ABCB4: variants seen among roughly 807,000 people sequenced by gnomAD.
The protein encoded by ABCB4 is ATP binding cassette subfamily B member 4, also known as phosphatidylcholine translocator ABCB4.
Under a neutral mutation model 145.7 loss-of-function variants are expected in ABCB4, and 76 were observed. That is an observed-to-expected ratio of 0.52 (90% confidence interval 0.43 to 0.63). ABCB4 has a LOEUF of 0.63. ABCB4 is among the 30% of genes least tolerant of loss of function. The pLI, the probability that ABCB4 is intolerant of heterozygous loss-of-function variation, is 0.00. For missense variants in ABCB4, 1,234 were observed against 1,553.1 expected, an observed-to-expected ratio of 0.79 and a Z score of 3.45; for synonymous variants, 517 against 566.8, an observed-to-expected ratio of 0.91 and a Z score of 1.25.
rs748571017 is a variant in ABCB4 at position 87,411,912 on chromosome 7, G to T, written c.2905C>A (p.Arg969Ser). ...ACTTACAGAATAACATCTCTGAAGC[G>T]CATATGTCCATTCACAATGAGATAT... is the stretch of plus-strand genomic sequence containing the variant. ...GAYLIVNGHM[R>S]FRDVILVFSA... Residue 969 changes from arginine to serine, a missense_variant, in exon 23 of 28, where the codon CGC becomes AGC. Arg to Ser is a moderately radical substitution (Grantham distance 110). This residue lies in a region of ABCB4 where 301 missense variants were observed against 389.0 expected (regional missense o/e 0.77). Transcript: ENST00000649586. The T allele has an allele frequency of 7.4e-6, 12 of 1,613,326 alleles. No individual in the cohort carries two copies. The highest frequency in any genetic ancestry group is 2.2e-5 in the South Asian group (2 of 91,048).
chr7:87,367,091 G>C, the ABCB4 span, among the ~76,000 whole-genome samples: 3,361 of 152,272 alleles, frequency 0.022, 133 homozygotes, highest in African/African-American at 0.076. Context: ...TCTAATCCCT[G>C]AAATTGTTAA....
chr7:87,382,456 G>C, the ABCB4 span: 120 of 1,613,704 alleles, frequency 7.4e-5, 1 homozygote, highest in South Asian at 9.0e-4. Context: ...ACATCTTTTG[G>C]CAAAAAGCTA....
In ABCB4 at chr7:87,409,012, C is replaced by CT. The variant is rs377193061; in HGVS notation, c.3081+223dup. Among the ~76,000 whole-genome samples, 1,126 of 148,356 alleles carry CT rather than the reference C, an allele frequency of 7.6e-3. 9 individuals carry two copies. Among genetic ancestry groups the CT allele is most frequent in the African/African-American group, 0.025 (1,011 of 40,516 alleles). ...TCAGTTCTAATATATCTGGTTTTCC[C>CT]TTTTTTTTTTATTTTGATGTGCTAA... On this transcript the variant is annotated intron_variant, in intron 24 of 27. Coordinates refer to ENST00000649586, the MANE Select transcript of ABCB4 (RefSeq NM_000443.4).
At chr7:87,467,819 C>A (rs1813035214) in intron 3 of ABCB4, among the ~76,000 whole-genome samples, 1 of 152,130 alleles carries the variant, frequency 6.6e-6, no homozygotes, top group Non-Finnish European at 1.5e-5. Flanking sequence ...GAAATGAAGG[C>A]AGAAATAAAG....
In ABCB4 at chr7:87,401,913, G is replaced by C. The variant is rs1338313108; in HGVS notation, c.*183C>G. 2 of 783,682 alleles carry C rather than the reference G, an allele frequency of 2.6e-6. No individual in the cohort carries two copies. The highest frequency in any genetic ancestry group is 4.3e-6 in the Non-Finnish European group (2 of 461,002). 48.5% of individuals were successfully genotyped at this position (783,682 alleles called of 1,614,324 possible). A position where few individuals can be genotyped will look rare whatever the true frequency, so the allele number is the denominator to read the frequency against. On this transcript the variant is annotated 3_prime_UTR_variant, in exon 28 of 28. Transcript: ENST00000649586. Reference sequence around the variant, plus strand: ...TTGTTTCAATACTTCATCAAGACAGGTGTCACTTCTAACTCTCAAATTTCA... The same window carrying C: ...TTGTTTCAATACTTCATCAAGACAGCTGTCACTTCTAACTCTCAAATTTCA...
chr7:87,456,064 T>C (rs1025693634), intron 4 of ABCB4, among the ~76,000 whole-genome samples: 2 of 152,188 alleles, frequency 1.3e-5, no homozygotes, highest in African/African-American at 4.8e-5. Flanking sequence ...TATCAGTTCC[T>C]TTCTGTGTGT....
Position 87,417,098 on chromosome 7 carries a change from G to A in ABCB4, c.2682+214C>T, listed in dbSNP as rs73396154. On this transcript the variant is annotated intron_variant, in intron 21 of 27. Transcript: ENST00000649586. ...AAGTTCTTTATCATAACTATGTTAA[G>A]TGCTTTCTATAGGCTCAACGTTTTA... 1.9e-3 allele frequency among the ~76,000 whole-genome samples: 291 copies of A among 152,322 alleles called. 2 individuals carry two copies. The highest frequency in any genetic ancestry group is 6.6e-3 in the African/African-American group (274 of 41,578).
intron 14 of ABCB4, among the ~76,000 whole-genome samples, chr7:87,438,026 A>G (rs1357970996): frequency 1.3e-5 from 2 of 152,218 alleles, no homozygotes; most frequent in African/African-American, 4.8e-5. Flanking sequence ...ATTATGAAAA[A>G]CAATACATAC....
At chr7:87,421,271 T>G (rs1055076673) in intron 18 of ABCB4, among the ~76,000 whole-genome samples, 17 of 152,158 alleles carry the variant, frequency 1.1e-4, no homozygotes, top group African/African-American at 4.1e-4. Context: ...AGATGATCAG[T>G]GCACCCAGTG....
chr7:87,372,702 C>A, the ABCB4 span, among the ~76,000 whole-genome samples: 2 of 152,160 alleles, frequency 1.3e-5, no homozygotes, highest in African/African-American at 4.8e-5. Flanking sequence ...TGGCATCTTA[C>A]AACATGTAGC....
At chr7:87,392,683 A>G in the ABCB4 span, 3 of 1,610,274 alleles carry the variant, frequency 1.9e-6, no homozygotes, top group Non-Finnish European at 1.7e-6. Flanking sequence ...AAAATCTCTC[A>G]TGGTGAAAAA....
chr7:87,443,504 T>C, intron 11 of ABCB4, 60 bp from the exon 12 acceptor site: 1 of 1,608,312 alleles, frequency 6.2e-7, no homozygotes, highest in South Asian at 1.1e-5. Flanking sequence ...ATGGGAATAA[T>C]TCGATTCAGT....
At chr7:87,429,211 G>A (rs1296214569) in intron 15 of ABCB4, among the ~76,000 whole-genome samples, 1 of 152,184 alleles carries the variant, frequency 6.6e-6, no homozygotes, top group Non-Finnish European at 1.5e-5. Context: ...ATCAGAAATG[G>A]GAAATGTGGG....
intron 4 of ABCB4, 24 bp from the exon 5 acceptor site, chr7:87,454,616 C>T (rs1204237103): frequency 6.4e-7 from 1 of 1,570,860 alleles, no homozygotes; most frequent in Non-Finnish European, 8.7e-7. Flanking sequence ...TAAAATAAAA[C>T]ATGTTAAAAG....
the ABCB4 span, chr7:87,392,665 C>A: frequency 6.2e-7 from 1 of 1,610,922 alleles, no homozygotes; most frequent in Admixed American, 1.7e-5. Context: ...TAAAATTTTT[C>A]TGACTTAAAA....
At chr7:87,367,716 C>T in the ABCB4 span, among the ~76,000 whole-genome samples, 12 of 152,130 alleles carry the variant, frequency 7.9e-5, no homozygotes, top group South Asian at 2.3e-3. Context: ...TTGCATTATC[C>T]TCTCTCTCTG....
chr7:87,383,871 A>C, the ABCB4 span, among the ~76,000 whole-genome samples: 2 of 152,172 alleles, frequency 1.3e-5, no homozygotes, highest in Non-Finnish European at 2.9e-5. Flanking sequence ...ATAGTGCTGC[A>C]ATAAACATTG....
In ABCB4 at chr7:87,453,129, T is replaced by C. The variant is rs745606081; in HGVS notation, c.351A>G (p.Ala117=). 6.2e-7 allele frequency: 1 copy of C among 1,613,804 alleles called. No individual in the cohort carries two copies. Among genetic ancestry groups the C allele is most frequent in the South Asian group, 1.1e-5 (1 of 91,070 alleles). Residue 117 remains alanine, a synonymous_variant, in exon 6 of 28, where the codon GCA becomes GCG. Coordinates refer to ENST00000649586, the MANE Select transcript of ABCB4 (RefSeq NM_000443.4). ...KILEEEMTRY[A]YYYSGLGAGV... ...CAGCACCCAATCCTGAGTAGTAATATGCATATCTGAAAAAAAAGAGAAAGG... is the reference window on the plus strand; with the variant it reads ...CAGCACCCAATCCTGAGTAGTAATACGCATATCTGAAAAAAAAGAGAAAGG...
At chr7:87,452,690 A>C (rs1457829810) in intron 6 of ABCB4, 3 of 540,302 alleles carry the variant, frequency 5.6e-6, no homozygotes, top group Non-Finnish European at 9.9e-6. Flanking sequence ...CCTGCAGTAG[A>C]AAGTTCCATG....
Sources: gnomAD v4.1 joint callset for allele counts (sites outside exome capture counted in the v4.1 genomes callset) on GRCh38, gnomAD v4.1.1 for gene constraint, gnomAD v4.1.1 regional missense constraint, MANE v1.5 for transcripts, NCBI Gene and HGNC (gene_info 2026-07-23, HGNC 2026-07-21) for gene names.